TJP2: variants seen among roughly 807,000 people sequenced by gnomAD.
The protein encoded by TJP2 is tight junction protein 2.
Under a neutral mutation model 133.1 loss-of-function variants are expected in TJP2, and 91 were observed. The observed-to-expected ratio is 0.68, with a 90% CI of 0.58 to 0.81. The LOEUF is 0.81. Ranked by LOEUF, TJP2 falls within the 40% of genes least tolerant of loss-of-function variation. The probability of loss-of-function intolerance (pLI) is 0.00; values close to 1 mark genes in which losing one functional copy is unlikely to be tolerated. For missense variants in TJP2, 1,541 were observed against 1,565.6 expected, an observed-to-expected ratio of 0.98 and a Z score of 0.26; for synonymous variants, 592 against 583.4, an observed-to-expected ratio of 1.01 and a Z score of -0.21.
intron 2 of TJP2, among the ~76,000 whole-genome samples, chr9:69,154,285 C>T (rs1564385329): frequency 6.6e-6 from 1 of 152,128 alleles, no homozygotes; most frequent in Non-Finnish European, 1.5e-5. Flanking sequence ...TTGCAAGTGC[C>T]GCTCAAGTTT....
chr9:69,224,872 C>G (rs997420009), intron 5 of TJP2, among the ~76,000 whole-genome samples: 1 of 151,980 alleles, frequency 6.6e-6, no homozygotes, highest in East Asian at 1.9e-4. Context: ...TTGCAGGCAA[C>G]TCACCATTAC....
intron 1 of TJP2, among the ~76,000 whole-genome samples, chr9:69,148,160 G>A (rs1823298323): frequency 1.3e-5 from 2 of 151,530 alleles, no homozygotes; most frequent in South Asian, 4.2e-4. Flanking sequence ...CTTACCTTAG[G>A]TGATCTGCCC....
intron 1 of TJP2, among the ~76,000 whole-genome samples, chr9:69,177,901 A>T (rs971246299): frequency 2.6e-5 from 4 of 152,056 alleles, no homozygotes; most frequent in Admixed American, 1.3e-4. Flanking sequence ...CGAGTTGGAG[A>T]GTGTCTGCTT....
At chr9:69,167,371 C>A (rs937784894) in intron 2 of TJP2, among the ~76,000 whole-genome samples, 3 of 152,156 alleles carry the variant, frequency 2.0e-5, no homozygotes, top group Admixed American at 6.5e-5. Context: ...CACCTAATGT[C>A]GAAGACAGGT....
At chr9:69,165,603 A>T (rs985436303) in intron 2 of TJP2, among the ~76,000 whole-genome samples, 2 of 152,202 alleles carry the variant, frequency 1.3e-5, no homozygotes, top group Non-Finnish European at 2.9e-5. Flanking sequence ...GCATTTAGTC[A>T]ATCATTGTTT....
intron 5 of TJP2, among the ~76,000 whole-genome samples, chr9:69,223,090 A>G (rs1829028643): frequency 6.8e-6 from 1 of 146,314 alleles, no homozygotes; most frequent in African/African-American, 2.6e-5. Context: ...AAAAAAAAAA[A>G]AGAAACCATG....
intron 14 of TJP2, 54 bp from the exon 15 acceptor site, chr9:69,237,824 A>G: frequency 7.8e-7 from 1 of 1,288,662 alleles, no homozygotes; most frequent in South Asian, 1.2e-5. Flanking sequence ...TTTACTGCTT[A>G]TCATAACAGC....
rs267602261 is a variant in TJP2, at chr9:69,229,204, C to T, written c.1474C>T (p.Pro492Ser). 1 of 1,614,102 alleles carries T rather than the reference C, an allele frequency of 6.2e-7. No homozygotes were observed. Among genetic ancestry groups the T allele is most frequent in the South Asian group, 1.1e-5 (1 of 91,078 alleles). The change falls in exon 10 of 23, where the codon CCG (proline) becomes TCG (serine). Residue 492 changes from proline (P) to serine (S), a missense_variant. Coordinates refer to ENST00000377245, the MANE Select transcript of TJP2 (RefSeq NM_004817.4). ...DPPAPQPKAA[P>S]RTFLRPSPED... is the part of the protein sequence containing the mutation. The stretch of plus-strand genomic sequence containing the variant: ...TACAGCTCCTCAACCAAAAGCAGCC[C>T]CGAGAACTTTTCTTCGTCCTAGTCC...
At chr9:69,201,801 C>T (rs971820489) in intron 1 of TJP2, among the ~76,000 whole-genome samples, 3 of 152,112 alleles carry the variant, frequency 2.0e-5, no homozygotes, top group South Asian at 2.1e-4. Flanking sequence ...TTCTGACATA[C>T]GCCGCCACCA....
At chr9:69,166,676 T>A (rs1347520498) in intron 2 of TJP2, among the ~76,000 whole-genome samples, 4 of 149,394 alleles carry the variant, frequency 2.7e-5, no homozygotes, top group Admixed American at 2.7e-4. Flanking sequence ...GGTTTCACCA[T>A]GTTGGCCAGG....
chr9:69,185,282 G>C (rs1030075432), intron 1 of TJP2, among the ~76,000 whole-genome samples: 2 of 152,040 alleles, frequency 1.3e-5, no homozygotes, highest in African/African-American at 4.8e-5. Context: ...GGCTGGTCTC[G>C]AACTCCTGAC....
At chr9:69,200,803 G>A (rs1356511046) in intron 1 of TJP2, among the ~76,000 whole-genome samples, 1 of 152,108 alleles carries the variant, frequency 6.6e-6, no homozygotes, top group East Asian at 1.9e-4. Flanking sequence ...CCACCCCAGG[G>A]CCTTTGCATT....
At chr9:69,246,344 C>T in intron 17 of TJP2, 1 of 364,986 alleles carries the variant, frequency 2.7e-6, no homozygotes, top group Non-Finnish European at 5.3e-6. Flanking sequence ...GTATACACCT[C>T]AGCCTCCCAG....
At chr9:69,150,522 T>C (rs559057765) in intron 1 of TJP2, among the ~76,000 whole-genome samples, 1 of 152,224 alleles carries the variant, frequency 6.6e-6, no homozygotes, top group Non-Finnish European at 1.5e-5. Flanking sequence ...TTGATCGAAC[T>C]CCTGGCCTCA....
At chr9:69,204,140 AC>A (rs1165545128) in intron 1 of TJP2, among the ~76,000 whole-genome samples, 1 of 152,114 alleles carries the variant, frequency 6.6e-6, no homozygotes. Context: ...CCAACGCCCC[AC>A]AGCTAAGTGA....
chr9:69,158,573 T>C (rs1197615776), intron 2 of TJP2, among the ~76,000 whole-genome samples: 1 of 152,046 alleles, frequency 6.6e-6, no homozygotes, highest in Non-Finnish European at 1.5e-5. Context: ...TAAACGTTGC[T>C]GTTTAAGGAA....
Position 69,238,719 on chromosome 9 carries a change from C to G in TJP2, c.2285C>G (p.Pro762Arg), listed in dbSNP as rs754548617. The G allele has an allele frequency of 6.2e-7, 1 of 1,613,734 alleles. No homozygotes were observed. Among genetic ancestry groups the G allele is most frequent in the South Asian group, 1.1e-5 (1 of 91,010 alleles). The change falls in exon 16 of 23, where the codon CCA becomes CGA. Residue 762 changes from proline (P) to arginine (R), a missense_variant. Physicochemically the swap from Pro to Arg is moderately radical, Grantham distance 103 (BLOSUM62 -2). Coordinates refer to ENST00000377245, the MANE Select transcript of TJP2 (RefSeq NM_004817.4). ...PDWFQTAKTE[P>R]KDAGSEKSTG... ...GTTTTTGCTTTTGCAGAAACGGAAC[C>G]AAAAGATGCAGGATCTGAGAAATCC...
chr9:69,129,790 G>C (rs752301250), intron 1 of TJP2, among the ~76,000 whole-genome samples: 2 of 151,866 alleles, frequency 1.3e-5, no homozygotes, highest in Non-Finnish European at 2.9e-5. Context: ...GCTGAGGCAG[G>C]AGGATCACCT....
intron 1 of TJP2, among the ~76,000 whole-genome samples, chr9:69,181,545 G>T (rs767817973): frequency 1.1e-4 from 17 of 152,130 alleles, no homozygotes; most frequent in Non-Finnish European, 2.9e-5. Flanking sequence ...ACCTCGCCTG[G>T]CCTAGTTCTC....
Sources: gnomAD v4.1 joint callset for allele counts (sites outside exome capture counted in the v4.1 genomes callset) on GRCh38, gnomAD v4.1.1 for gene constraint, MANE v1.5 for transcripts, NCBI Gene and HGNC (gene_info 2026-07-23, HGNC 2026-07-21) for gene names.